Variants in PADI4 observed in about 807,000 individuals in gnomAD.
The protein encoded by PADI4 is protein-arginine deiminase type-4.
PADI4 carries 62 observed loss-of-function variants against 75.0 expected under a neutral mutation model. The ratio of observed to expected loss-of-function variants is 0.83; its 90% CI spans 0.67 to 1.02. The LOEUF (loss-of-function observed/expected upper bound fraction) is 1.02, where lower values mean the gene tolerates loss of function less well. Ranked by LOEUF, PADI4 falls within the 50% of genes least tolerant of loss-of-function variation. The pLI is 0.00. For synonymous variants in PADI4, 361 were observed against 348.1 expected, an observed-to-expected ratio of 1.04 and a Z score of -0.41; for missense variants, 845 against 850.5, an observed-to-expected ratio of 0.99 and a Z score of 0.08.
rs1748011 is a variant in PADI4 at position 17,356,786 on chromosome 1, C to T, written c.1558+327C>T. On this transcript the variant is annotated intron_variant, in intron 13 of 15. Transcript: ENST00000375448. This position sits in a 1 kb window ranked among gnomAD's most constrained non-coding sequence, Gnocchi z 4.1. ...TGCAAGTAGGGGTTGGCTGGGCAAA[C>T]GGGGCAGGGAAATGAGAGGAAGAGA... Among the ~76,000 whole-genome samples, 1 of 149,204 alleles carries T rather than the reference C, an allele frequency of 6.7e-6. No individual in the cohort carries two copies.
At chr1:17,351,832 G>A (rs1356278171) in intron 10 of PADI4, among the ~76,000 whole-genome samples, 1 of 148,796 alleles carries the variant, frequency 6.7e-6, no homozygotes, top group Non-Finnish European at 1.5e-5. Flanking sequence ...AGGGCCTGGA[G>A]GGGTAGAGCA....
At chr1:17,308,770 G>A (rs1309685354) in intron 1 of PADI4, among the ~76,000 whole-genome samples, 2 of 21,198 alleles carry the variant, frequency 9.4e-5, no homozygotes, top group Non-Finnish European at 6.4e-4. Context: ...ATGGCGAAAC[G>A]GGGCTCTGTG....
At chr1:17,317,821 GAC>G (rs1475985140) in intron 1 of PADI4, among the ~76,000 whole-genome samples, 1 of 150,598 alleles carries the variant, frequency 6.6e-6, no homozygotes, top group Non-Finnish European at 1.5e-5. Flanking sequence ...AGGAGTTCGA[GAC>G]CAGCCTGGGA....
chr1:17,333,363 T>C (rs1371952153), intron 2 of PADI4, among the ~76,000 whole-genome samples: 1 of 151,950 alleles, frequency 6.6e-6, no homozygotes, highest in African/African-American at 2.4e-5. Flanking sequence ...CCACCGCCAT[T>C]TTGCTTGGAT....
chr1:17,359,280 A>C lies in PADI4; in HGVS notation c.1630A>C (p.Arg544=). The change falls in exon 15 of 16, where the codon AGA becomes CGA. Residue 544 remains arginine, a splice_region_variant and synonymous_variant. Transcript: ENST00000375448. ...TLREHNSFVE[R]CIDWNRELLK... is the part of the protein sequence containing the mutation. ...TCACTGCCCCTGCCCCTTCCCCAAGAGATGCATCGACTGGAACCGCGAGCT... is the reference window on the plus strand; with the variant it reads ...TCACTGCCCCTGCCCCTTCCCCAAGCGATGCATCGACTGGAACCGCGAGCT... The C allele has an allele frequency of 6.3e-7, 1 of 1,579,730 alleles. No homozygotes were observed. The highest frequency in any genetic ancestry group is 8.6e-7 in the Non-Finnish European group (1 of 1,160,814).
chr1:17,309,903 C>T (rs1259837239), intron 1 of PADI4, among the ~76,000 whole-genome samples: 1 of 152,198 alleles, frequency 6.6e-6, no homozygotes, highest in Non-Finnish European at 1.5e-5. Flanking sequence ...CCAGCATGCC[C>T]AGGCTAGCCC....
intron 10 of PADI4, among the ~76,000 whole-genome samples, chr1:17,351,991 CAGTCAGGGA>C (rs2074646470): frequency 4.8e-5 from 1 of 20,624 alleles, no homozygotes; most frequent in Non-Finnish European, 8.3e-5. Flanking sequence ...GGAGGAGAGG[CAGTCAGGGA>C]GGTGATGGGA....
intron 4 of PADI4, among the ~76,000 whole-genome samples, chr1:17,337,459 A>G (rs2100723897): frequency 6.6e-6 from 1 of 152,266 alleles, no homozygotes; most frequent in East Asian, 1.9e-4. Flanking sequence ...ATTTCTTAAA[A>G]GCTGTTAAAA....
At chr1:17,339,396 G>A (rs1183025067) in intron 5 of PADI4, among the ~76,000 whole-genome samples, 1 of 152,184 alleles carries the variant, frequency 6.6e-6, no homozygotes, top group African/African-American at 2.4e-5. Context: ...AAGATTCAGG[G>A]AACGTTGCAA....
intron 6 of PADI4, among the ~76,000 whole-genome samples, chr1:17,340,498 G>A (rs896366549): frequency 2.6e-5 from 4 of 152,120 alleles, no homozygotes; most frequent in African/African-American, 4.8e-5. Flanking sequence ...ACACCTAGGG[G>A]AAGGGCGTTC....
intron 15 of PADI4, 80 bp downstream of exon 15, chr1:17,359,488 G>T: frequency 1.3e-6 from 2 of 1,586,644 alleles, no homozygotes; most frequent in Non-Finnish European, 1.7e-6. Context: ...GCACCCGGGC[G>T]GTCCCAGAGG....
Position 17,348,041 on chromosome 1 carries a change from G to A in PADI4, c.1148G>A (p.Arg383His), listed in dbSNP as rs1220280898. 2.3e-5 allele frequency: 36 copies of A among 1,598,274 alleles called. No homozygotes were observed. The highest frequency in any genetic ancestry group is 1.6e-4 in the East Asian group (7 of 44,792). ...NRGLKEFPIK[R>H]VMGPDFGYVT... ...GGCCTGAAGGAGTTTCCCATCAAACGCGTGATGGTACCTGCATGGGGTGGG... is the reference window on the plus strand; with the variant it reads ...GGCCTGAAGGAGTTTCCCATCAAACACGTGATGGTACCTGCATGGGGTGGG... Residue 383 changes from arginine to histidine, a missense_variant, in exon 10 of 16, where the codon CGC becomes CAC. Transcript: ENST00000375448.
chr1:17,335,471 G>A (rs1266614634), intron 3 of PADI4, among the ~76,000 whole-genome samples: 2 of 152,210 alleles, frequency 1.3e-5, no homozygotes, highest in Non-Finnish European at 2.9e-5. Context: ...CCCTAACTAA[G>A]ACGTGGCTAT....
chr1:17,338,082 G>A lies in PADI4; in HGVS notation c.453G>A (p.Leu151=). The A allele has an allele frequency of 1.9e-6, 3 of 1,613,760 alleles. No homozygotes were observed. The highest frequency in any genetic ancestry group is 2.5e-6 in the Non-Finnish European group (3 of 1,179,738). The stretch of plus-strand genomic sequence containing the variant: ...CTTGTGGACAGGGTGCCATCCTGCT[G>A]GTGAACTGTGACAGAGACAATCTCG... ...WGPCGQGAIL[L]VNCDRDNLES... is the part of the protein sequence containing the mutation. The change falls in exon 5 of 16, where the codon CTG becomes CTA. Residue 151 remains leucine, a synonymous_variant. Transcript: ENST00000375448.
intron 10 of PADI4, among the ~76,000 whole-genome samples, chr1:17,350,657 A>G (rs1443244093): frequency 7.7e-6 from 1 of 130,564 alleles, no homozygotes; most frequent in Non-Finnish European, 1.7e-5. Flanking sequence ...TGAAGGCTGT[A>G]TAACTGACCC....
rs182149808 is a variant in PADI4, at chr1:17,331,699, C to T, written c.273+550C>T. On this transcript the variant is annotated intron_variant, in intron 2 of 15. Transcript: ENST00000375448. ...TTGGGAGGCCGAGGCGGGTGGATCA[C>T]CTGAGGTCAGGAGTTTGAGACCAGC... 3.3e-3 allele frequency among the ~76,000 whole-genome samples: 508 copies of T among 152,162 alleles called. 2 individuals carry two copies. The highest frequency in any genetic ancestry group is 0.012 in the African/African-American group (483 of 41,528).
Position 17,315,027 on chromosome 1 carries a change from C to T in PADI4, c.92+6713C>T, listed in dbSNP as rs561661560. Among the ~76,000 whole-genome samples the T allele has an allele frequency of 3.9e-5, 6 of 152,374 alleles. No homozygotes were observed. The South Asian group carries it at 1.0e-3, about 26-fold the overall frequency. ...ACCCAGCCATCCTGCTCCCCACCCC[C>T]GTCAGCATGGGAACCAGGCTGGGAG... On this transcript the variant is annotated intron_variant, in intron 1 of 15. Coordinates refer to ENST00000375448, the MANE Select transcript of PADI4 (RefSeq NM_012387.3).
rs746703713 is a variant in PADI4, at chr1:17,342,354, G to C, written c.887G>C (p.Trp296Ser). 1.2e-6 allele frequency: 2 copies of C among 1,614,098 alleles called. No homozygotes were observed. Among genetic ancestry groups the C allele is most frequent in the South Asian group, 2.2e-5 (2 of 91,080 alleles). Residue 296 changes from tryptophan (W) to serine (S), a missense_variant, in exon 8 of 16, where the codon TGG becomes TCG. By Grantham distance (177) the Trp-to-Ser change is radical (BLOSUM62 -3). Transcript: ENST00000375448. Reference protein sequence around the residue: ...QDSVVFRVAPWIMTPNTQPPQ... With the variant: ...QDSVVFRVAPSIMTPNTQPPQ... ...AGCGTGGTCTTCCGCGTGGCGCCCT[G>C]GATCATGACCCCCAACACCCAGCCC... is the stretch of plus-strand genomic sequence containing the variant.
intron 1 of PADI4, among the ~76,000 whole-genome samples, chr1:17,330,366 GGT>G (rs1157623017): frequency 6.6e-6 from 1 of 151,834 alleles, no homozygotes; most frequent in Admixed American, 6.6e-5. Context: ...AGAATAATAG[GGT>G]GTGTGTGTGT....
Sources: allele counts gnomAD v4.1 joint callset (sites outside exome capture counted in the v4.1 genomes callset), GRCh38; gene constraint gnomAD v4.1.1; non-coding constraint Gnocchi (gnomAD v3.1); transcripts MANE v1.5; gene names NCBI Gene and HGNC (gene_info 2026-07-23, HGNC 2026-07-21).